LRFN2: variants seen among roughly 807,000 people sequenced by gnomAD.
The protein encoded by LRFN2 is leucine-rich repeat and fibronectin type-III domain-containing protein 2.
A neutral mutation model predicts 37.3 loss-of-function variants in LRFN2; 18 were observed. The observed-to-expected ratio is 0.48, with a 90% CI of 0.33 to 0.72. LRFN2 has a LOEUF of 0.72. Ranked by LOEUF, LRFN2 falls within the 30% of genes least tolerant of loss-of-function variation. The pLI is 0.02. For missense variants in LRFN2, 1,006 were observed against 1,060.7 expected (o/e 0.95, Z 0.72); for synonymous variants, 556 against 466.6 (o/e 1.19, Z -2.47).
chr6:40,574,709 C>T (rs537536720), intron 1 of LRFN2, among the ~76,000 whole-genome samples: 4 of 152,198 alleles, frequency 2.6e-5, no homozygotes, highest in African/African-American at 9.6e-5. Context: ...CAGGCAGCTC[C>T]GGAGAGAGAG....
At chr6:40,412,976 T>C (rs1279495056) in intron 2 of LRFN2, among the ~76,000 whole-genome samples, 1 of 152,106 alleles carries the variant, frequency 6.6e-6, no homozygotes, top group Non-Finnish European at 1.5e-5. Context: ...AGGGAGATCT[T>C]ACATCCTAGG....
At chr6:40,585,624 T>A (rs112805666) in intron 1 of LRFN2, among the ~76,000 whole-genome samples, 4 of 152,136 alleles carry the variant, frequency 2.6e-5, no homozygotes, top group East Asian at 1.9e-4. Context: ...GAGTTCCAAA[T>A]CGGCCCCCAC....
chr6:40,439,615 C>T (rs1763781738), intron 1 of LRFN2, among the ~76,000 whole-genome samples: 1 of 152,204 alleles, frequency 6.6e-6, no homozygotes, highest in African/African-American at 2.4e-5. Flanking sequence ...GTCTCCAGCA[C>T]ATCCGCCTCC....
At chr6:40,445,289 G>A (rs1441835871) in intron 1 of LRFN2, among the ~76,000 whole-genome samples, 1 of 152,228 alleles carries the variant, frequency 6.6e-6, no homozygotes, top group Non-Finnish European at 1.5e-5. Flanking sequence ...TGGAGAAATT[G>A]AAGCCGAGGA....
chr6:40,522,348 G>T (rs1400005490), intron 1 of LRFN2, among the ~76,000 whole-genome samples: 5 of 152,136 alleles, frequency 3.3e-5, no homozygotes, highest in Non-Finnish European at 7.3e-5. Flanking sequence ...GGAGTGAGAA[G>T]GCTGAGCATC....
rs146867044 is a variant in LRFN2, at chr6:40,442,482, T to A, written c.-18-9351A>T. Reference sequence around the variant, plus strand: ...AGGGGTTGTATTTCCTTCAGCCAACTGGGGCTCCCTGAGGACAGGGCTGAG... The same window carrying A: ...AGGGGTTGTATTTCCTTCAGCCAACAGGGGCTCCCTGAGGACAGGGCTGAG... On this transcript the variant is annotated intron_variant, in intron 1 of 2. Coordinates refer to ENST00000338305, the MANE Select transcript of LRFN2 (RefSeq NM_020737.3). Among the ~76,000 whole-genome samples, 710 of 152,232 alleles carry A rather than the reference T, an allele frequency of 4.7e-3. 5 individuals are homozygous for A. Among genetic ancestry groups the A allele is most frequent in the African/African-American group, 0.016 (660 of 41,548 alleles).
At chr6:40,472,317 A>C (rs2113857843) in intron 1 of LRFN2, among the ~76,000 whole-genome samples, 1 of 152,212 alleles carries the variant, frequency 6.6e-6, no homozygotes, top group East Asian at 1.9e-4. Flanking sequence ...CTTTGAAAAA[A>C]CCAGGAGTCT....
At chr6:40,555,168 C>T (rs1766846101) in intron 1 of LRFN2, among the ~76,000 whole-genome samples, 1 of 152,188 alleles carries the variant, frequency 6.6e-6, no homozygotes, top group African/African-American at 2.4e-5. Context: ...TGCTCCTGCT[C>T]AGCACCCCGC....
rs145330104 is a variant in LRFN2 at position 40,580,237 on chromosome 6, G to T, written c.-19+6704C>A. Among the ~76,000 whole-genome samples, 580 of 152,296 alleles carry T rather than the reference G, an allele frequency of 3.8e-3. 5 individuals carry two copies. Among genetic ancestry groups the T allele is most frequent in the African/African-American group, 0.013 (547 of 41,570 alleles). On this transcript the variant is annotated intron_variant, in intron 1 of 2. Coordinates refer to ENST00000338305, the MANE Select transcript of LRFN2 (RefSeq NM_020737.3). The stretch of plus-strand genomic sequence containing the variant: ...ACTGAAACTGGAATGCCCATGGGCT[G>T]CCCCAGGGTGGCATTTCTCACTTGC...
intron 1 of LRFN2, among the ~76,000 whole-genome samples, chr6:40,461,133 G>A (rs1460261530): frequency 5.3e-5 from 8 of 152,288 alleles, no homozygotes; most frequent in Non-Finnish European, 7.3e-5. Flanking sequence ...TGGGCTGGGC[G>A]CAGTGGTTCA....
chr6:40,525,154 G>A (rs1043421519), intron 1 of LRFN2, among the ~76,000 whole-genome samples: 1 of 152,110 alleles, frequency 6.6e-6, no homozygotes, highest in African/African-American at 2.4e-5. Context: ...TGGCTCTGCT[G>A]TCCCCCTCTG....
At chr6:40,518,708 G>A (rs1273294218) in intron 1 of LRFN2, among the ~76,000 whole-genome samples, 1 of 152,166 alleles carries the variant, frequency 6.6e-6, no homozygotes, top group Admixed American at 6.5e-5. Context: ...TCCATTCATT[G>A]TCATTCAACC....
At chr6:40,572,420 G>T (rs1355310236) in intron 1 of LRFN2, among the ~76,000 whole-genome samples, 1 of 152,146 alleles carries the variant, frequency 6.6e-6, no homozygotes, top group Non-Finnish European at 1.5e-5. Context: ...GGGGAGTGAT[G>T]TAGCCATATG....
intron 2 of LRFN2, among the ~76,000 whole-genome samples, chr6:40,414,671 C>T (rs1000535109): frequency 6.6e-6 from 1 of 152,138 alleles, no homozygotes; most frequent in African/African-American, 2.4e-5. Flanking sequence ...TAAAATCGGA[C>T]ACGCAAAATT....
intron 1 of LRFN2, among the ~76,000 whole-genome samples, chr6:40,498,837 C>G (rs180719768): frequency 6.6e-6 from 1 of 152,244 alleles, no homozygotes; most frequent in Non-Finnish European, 1.5e-5. Context: ...TCAACATATA[C>G]AGAGACTCTA....
intron 1 of LRFN2, among the ~76,000 whole-genome samples, chr6:40,443,897 C>G (rs369072371): frequency 6.6e-6 from 1 of 152,150 alleles, no homozygotes; most frequent in African/African-American, 2.4e-5. Flanking sequence ...CAGGGCATAG[C>G]CATGGGAGAA....
intron 2 of LRFN2, among the ~76,000 whole-genome samples, chr6:40,428,119 A>T (rs902014573): frequency 6.6e-6 from 1 of 152,244 alleles, no homozygotes; most frequent in South Asian, 2.1e-4. Flanking sequence ...GTTAGTGCAC[A>T]TAGGACCCTT....
intron 2 of LRFN2, among the ~76,000 whole-genome samples, chr6:40,422,214 G>C (rs894851761): frequency 6.6e-6 from 1 of 152,186 alleles, no homozygotes; most frequent in African/African-American, 2.4e-5. Flanking sequence ...ATCTCAAAGA[G>C]ATGAGTAGTG....
chr6:40,476,066 G>C (rs1335019638), intron 1 of LRFN2, among the ~76,000 whole-genome samples: 2 of 152,144 alleles, frequency 1.3e-5, no homozygotes, highest in Non-Finnish European at 2.9e-5. Flanking sequence ...GATGGGCCCA[G>C]CGTGGCCTAG....
Sources: allele counts gnomAD v4.1 joint callset (sites outside exome capture counted in the v4.1 genomes callset), GRCh38; gene constraint gnomAD v4.1.1; transcripts MANE v1.5; gene names NCBI Gene and HGNC (gene_info 2026-07-23, HGNC 2026-07-21).